Variants in CCDC183 observed in about 807,000 individuals in gnomAD.
CCDC183 encodes coiled-coil domain-containing protein 183.
In CCDC183, 63 loss-of-function variants were observed where a neutral mutation model predicts 65.2. The observed-to-expected ratio is 0.97, with a 90% CI of 0.79 to 1.19. The LOEUF is 1.19. Among genes scored for constraint, CCDC183 ranks in the 50% most tolerant of loss-of-function variants. CCDC183 has a pLI of 0.00. For missense variants in CCDC183, 769 were observed against 689.3 expected (o/e 1.12, Z -1.30); for synonymous variants, 323 against 276.5 (o/e 1.17, Z -1.67).
At chr9:136,805,295 C>A in intron 8 of CCDC183, 62 bp from the exon 9 acceptor site, 2 of 1,385,398 alleles carry the variant, frequency 1.4e-6, no homozygotes, top group South Asian at 1.2e-5. Context: ...TGTCTGACAG[C>A]CTTACACAGA....
chr9:136,806,910 C>G, intron 12 of CCDC183, 43 bp downstream of exon 12: 1 of 1,613,362 alleles, frequency 6.2e-7, no homozygotes, highest in Non-Finnish European at 8.5e-7. Flanking sequence ...CACGTCCCCT[C>G]AAAGCTGACA....
At position 136,807,066 on chromosome 9, in the gene CCDC183, G is replaced by C. The variant is rs777681382; in HGVS notation, c.1486G>C (p.Asp496His). ...TGAGAACCGGGAGGAGGATATGATC[G>C]GTACAGGCCCCGGAACTGGGGCCCG... ...SFENREEDMI[D>H]TFQFPDMDHS... Residue 496 changes from aspartate to histidine, a missense_variant and splice_region_variant, in exon 13 of 14, where the codon GAC (aspartate) becomes CAC (histidine). By Grantham distance (81) the Asp-to-His change is moderately conservative. Coordinates refer to ENST00000338005, the MANE Select transcript of CCDC183 (RefSeq NM_001039374.5). The C allele has an allele frequency of 6.2e-7, 1 of 1,612,794 alleles. No homozygotes were observed. Among genetic ancestry groups the C allele is most frequent in the Non-Finnish European group, 8.5e-7 (1 of 1,179,876 alleles).
intron 1 of CCDC183, among the ~76,000 whole-genome samples, chr9:136,797,589 C>A (rs1847672407): frequency 6.6e-6 from 1 of 152,000 alleles, no homozygotes; most frequent in Admixed American, 6.6e-5. Flanking sequence ...CAGGCACCCA[C>A]CACCATGCCC....
chr9:136,799,862 G>T, intron 3 of CCDC183, 72 bp downstream of exon 3: 8 of 1,522,920 alleles, frequency 5.3e-6, no homozygotes, highest in Non-Finnish European at 7.2e-6. Context: ...TAGATGTTGC[G>T]GAGCCGACGA....
intron 5 of CCDC183, among the ~76,000 whole-genome samples, chr9:136,802,182 A>G (rs1000929729): frequency 9.2e-5 from 14 of 152,152 alleles, no homozygotes; most frequent in Admixed American, 6.6e-4. Context: ...TTTACACTCA[A>G]TTCATCCTGA....
chr9:136,806,048 A>G (rs748087708), intron 9 of CCDC183, 30 bp from the exon 10 acceptor site: 5 of 1,541,612 alleles, frequency 3.2e-6, no homozygotes. Flanking sequence ...CCTGGCCCAC[A>G]CCTGCTTCTC....
At chr9:136,803,146 CTGGGG>C (rs1564350035) in intron 6 of CCDC183, among the ~76,000 whole-genome samples, 8,960 of 81,422 alleles carry the variant, frequency 0.11, 1,756 homozygotes, top group South Asian at 0.18. Context: ...GGGCCCAGGG[CTGGGG>C]CCCCCCAGGG....
At position 136,804,823 on chromosome 9, in the gene CCDC183, G is replaced by C; in HGVS notation, c.847+7G>C. On this transcript the variant is annotated splice_region_variant and intron_variant, in intron 8 of 13. Transcript: ENST00000338005. This position sits in a 1 kb window ranked among gnomAD's most constrained non-coding sequence, Gnocchi z 4.1. ...AGCACGGAGACCCTGAAATGTAAGC[G>C]CTCAGCTCCCCACCTGCCCCCAGCC... 8 of 1,613,386 alleles carry C rather than the reference G, an allele frequency of 5.0e-6. No individual in the cohort carries two copies. The highest frequency in any genetic ancestry group is 6.8e-6 in the Non-Finnish European group (8 of 1,179,652).
At chr9:136,802,465 AAG>A (rs2131132229) in intron 5 of CCDC183, among the ~76,000 whole-genome samples, 197 bp from the exon 6 acceptor site, 1 of 152,328 alleles carries the variant, frequency 6.6e-6, no homozygotes, top group African/African-American at 2.4e-5. Context: ...TAGGTGGTGA[AAG>A]AGTCCACCAG....
intron 10 of CCDC183, 45 bp downstream of exon 10, chr9:136,806,283 C>T: frequency 1.9e-6 from 3 of 1,553,464 alleles, no homozygotes; most frequent in East Asian, 2.4e-5. Flanking sequence ...CCCAGTCTCA[C>T]AAAGGCCCCG....
In CCDC183 at chr9:136,800,011, G is replaced by A. The variant is rs1479063377; in HGVS notation, c.280G>A (p.Glu94Lys). ...GCCCTTCCCGACCCAGGTGGTGCGG[G>A]AGAAGCTGCGCAAGTACGTCTTCGA... ...HCRSTMEVVR[E>K]KLRKYVFDRV... Residue 94 changes from glutamate (E) to lysine (K), a missense_variant, in exon 4 of 14, where the codon GAG (glutamate) becomes AAG (lysine). Physicochemically the swap from Glu to Lys is moderately conservative, Grantham distance 56. Coordinates refer to ENST00000338005, the MANE Select transcript of CCDC183 (RefSeq NM_001039374.5). The A allele has an allele frequency of 6.3e-7, 1 of 1,588,706 alleles. No homozygotes were observed. Among genetic ancestry groups the A allele is most frequent in the Non-Finnish European group, 8.6e-7 (1 of 1,168,432 alleles).
intron 2 of CCDC183, 106 bp downstream of exon 2, chr9:136,799,329 C>T: frequency 6.9e-7 from 1 of 1,453,014 alleles, no homozygotes. Flanking sequence ...CCCAATCTTT[C>T]TGGATCCAGG....
rs771941177 is a variant in CCDC183 at position 136,796,503 on chromosome 9, C to T, written c.70+36C>T. ...ACCGCCGTGACCAGTCTCCCTTTCCCGTCTGGGGGTTTCTGGGTGCACAAC... is the reference window on the plus strand; with the variant it reads ...ACCGCCGTGACCAGTCTCCCTTTCCTGTCTGGGGGTTTCTGGGTGCACAAC... On this transcript the variant is annotated intron_variant, in intron 1 of 13. Coordinates refer to ENST00000338005, the MANE Select transcript of CCDC183 (RefSeq NM_001039374.5). The T allele has an allele frequency of 1.2e-5, 18 of 1,480,378 alleles. No individual in the cohort carries two copies. The Admixed American group carries it at 2.0e-4, about 16-fold the overall frequency. The allele number at this position is 1,480,378 out of a possible 1,614,324, so 91.7% of individuals were successfully genotyped here.
intron 9 of CCDC183, 114 bp from the exon 10 acceptor site, chr9:136,805,964 C>T: frequency 1.2e-6 from 1 of 819,272 alleles, no homozygotes. Context: ...TGTGAATGAG[C>T]ACAGAGAAAG....
rs1164286599 is a variant in CCDC183 at position 136,806,673 on chromosome 9, G to A, written c.1278+1G>A. On this transcript the variant is annotated splice_donor_variant, in intron 11 of 13. Transcript: ENST00000338005. LOFTEE classifies it high-confidence loss of function. ...GGGCATTAACTTGCCTGCGACCCAGGTACCGGGAGTGAGGCTGAGCTGCCA... is the reference window on the plus strand; with the variant it reads ...GGGCATTAACTTGCCTGCGACCCAGATACCGGGAGTGAGGCTGAGCTGCCA... The A allele has an allele frequency of 6.2e-7, 1 of 1,613,364 alleles. No individual in the cohort carries two copies. The highest frequency in any genetic ancestry group is 1.1e-5 in the South Asian group (1 of 91,072).
intron 5 of CCDC183, 47 bp downstream of exon 5, chr9:136,800,540 G>A (rs780667013): frequency 1.4e-6 from 2 of 1,397,200 alleles, no homozygotes; most frequent in African/African-American, 2.8e-5. Context: ...GCTGGGATCT[G>A]GGAGGGGCGG....
At chr9:136,807,118 G>C in intron 13 of CCDC183, 52 bp downstream of exon 13, 3 of 1,562,790 alleles carry the variant, frequency 1.9e-6, no homozygotes, top group Non-Finnish European at 2.6e-6. Context: ...CTGGAACACA[G>C]GTCGGGGTGG....
chr9:136,798,890 C>T (rs1473153248), intron 1 of CCDC183, among the ~76,000 whole-genome samples: 1 of 152,234 alleles, frequency 6.6e-6, no homozygotes, highest in East Asian at 1.9e-4. Flanking sequence ...CACCTCCCCG[C>T]ACCTGTCCAC....
At chr9:136,799,337 A>AG in intron 2 of CCDC183, 114 bp downstream of exon 2, 3 of 1,430,724 alleles carry the variant, frequency 2.1e-6, no homozygotes, top group Non-Finnish European at 2.8e-6. Context: ...TTCTGGATCC[A>AG]GGGGGCATGT....
Sources: allele counts gnomAD v4.1 joint callset (sites outside exome capture counted in the v4.1 genomes callset), GRCh38; gene constraint gnomAD v4.1.1; non-coding constraint Gnocchi (gnomAD v3.1); transcripts MANE v1.5; gene names NCBI Gene and HGNC (gene_info 2026-07-23, HGNC 2026-07-21).